Variants in PDZD2 observed in about 807,000 individuals in gnomAD.
PDZD2 encodes PDZ domain containing 2, also known as PDZ domain-containing protein 2.
Under a neutral mutation model 220.7 loss-of-function variants are expected in PDZD2, and 90 were observed. The ratio of observed to expected loss-of-function variants is 0.41; its 90% CI spans 0.34 to 0.49. The LOEUF (loss-of-function observed/expected upper bound fraction) is 0.49. Among genes scored for constraint, PDZD2 ranks in the 20% least tolerant of loss-of-function variants. The pLI, the probability that PDZD2 is intolerant of heterozygous loss-of-function variation, is 0.28. For missense variants in PDZD2, 3,174 were observed against 3,608.5 expected, an observed-to-expected ratio of 0.88 and a Z score of 3.08; for synonymous variants, 1,375 against 1,450.5, an observed-to-expected ratio of 0.95 and a Z score of 1.18.
chr5:31,826,899 G>C (rs1473897995), intron 2 of PDZD2, among the ~76,000 whole-genome samples: 1 of 152,144 alleles, frequency 6.6e-6, no homozygotes, highest in Non-Finnish European at 1.5e-5. Context: ...TTAAGAGACA[G>C]AGCCTGGAAT....
chr5:31,893,006 G>C (rs1006866131), intron 2 of PDZD2, among the ~76,000 whole-genome samples: 1 of 152,080 alleles, frequency 6.6e-6, no homozygotes, highest in African/African-American at 2.4e-5. Flanking sequence ...GGCAAGGGAG[G>C]GTTTTCCTAG....
chr5:32,066,695 G>C (rs758817677), intron 14 of PDZD2, among the ~76,000 whole-genome samples: 19 of 152,172 alleles, frequency 1.2e-4, no homozygotes, highest in Non-Finnish European at 2.8e-4. Flanking sequence ...TGGCTTCAAG[G>C]CATGTCTGAC....
At chr5:31,660,288 C>T (rs1024093216) in intron 1 of PDZD2, among the ~76,000 whole-genome samples, 8 of 152,130 alleles carry the variant, frequency 5.3e-5, no homozygotes, top group East Asian at 1.9e-4. Context: ...GTTATTCTTC[C>T]TCTCCATTTC....
intron 1 of PDZD2, among the ~76,000 whole-genome samples, chr5:31,699,082 C>T (rs1181529557): frequency 6.6e-6 from 1 of 152,162 alleles, no homozygotes; most frequent in African/African-American, 2.4e-5. Context: ...ACGCTGCAAG[C>T]CCTGAGCTGC....
intron 1 of PDZD2, among the ~76,000 whole-genome samples, chr5:31,645,609 A>G (rs1439427153): frequency 6.6e-6 from 1 of 152,176 alleles, no homozygotes; most frequent in Admixed American, 6.5e-5. Context: ...TGCTGAGATT[A>G]CAGGCGTGAG....
rs796363519 is a variant in PDZD2, at chr5:31,880,797, T to TTC, written c.476+81074_476+81075insCT. On this transcript the variant is annotated intron_variant, in intron 2 of 24. Transcript: ENST00000438447. ...GTAGCTTTCTTTTTTTTTTCTTTTT[T>TTC]TTTTTTTTTTTTTTTTTTTTTGAGA... Among the ~76,000 whole-genome samples, 4 of 97,196 alleles carry TTC rather than the reference T, an allele frequency of 4.1e-5. No homozygotes were observed. The East Asian group carries it at 6.9e-4, about 17-fold the overall frequency. The allele number at this position is 97,196 out of a possible 152,430, so 63.8% of individuals were successfully genotyped here.
chr5:31,756,186 G>C (rs1321537527), intron 1 of PDZD2, among the ~76,000 whole-genome samples: 1 of 152,148 alleles, frequency 6.6e-6, no homozygotes, highest in African/African-American at 2.4e-5. Flanking sequence ...ACCCGGGGGT[G>C]CCTGTGCCTG....
At position 32,069,602 on chromosome 5, in the gene PDZD2, C is replaced by T. The variant is rs376936551; in HGVS notation, c.2485C>T (p.Arg829Cys). ...GCAGGAAATGGATGAAGTCATAGCACGCAGCACTTATCAGGAGAGCAAAGA... is the reference window on the plus strand; with the variant it reads ...GCAGGAAATGGATGAAGTCATAGCATGCAGCACTTATCAGGAGAGCAAAGA... The part of the protein sequence containing the change: ...SEQEMDEVIA[R>C]STYQESKEAN... Residue 829 changes from arginine to cysteine, a missense_variant, in exon 15 of 25, where the codon CGC becomes TGC. Arg to Cys is a radical substitution (Grantham distance 180). Coordinates refer to ENST00000438447, the MANE Select transcript of PDZD2 (RefSeq NM_178140.4). 73 of 1,600,258 alleles carry T rather than the reference C, an allele frequency of 4.6e-5. No homozygotes were observed. The highest frequency in any genetic ancestry group is 5.5e-5 in the Non-Finnish European group (64 of 1,167,428).
intron 2 of PDZD2, among the ~76,000 whole-genome samples, chr5:31,849,431 T>A (rs556125162): frequency 6.6e-6 from 1 of 152,300 alleles, no homozygotes; most frequent in African/African-American, 2.4e-5. Flanking sequence ...GTGCCCAATA[T>A]AATTATAGTA....
chr5:32,069,069 C>A (rs1740496300), intron 14 of PDZD2, among the ~76,000 whole-genome samples: 1 of 151,994 alleles, frequency 6.6e-6, no homozygotes, highest in Non-Finnish European at 1.5e-5. Flanking sequence ...AGTTCAAGAC[C>A]AGCCTGACCA....
chr5:31,855,312 CGTCTCCCGGATCACT>C (rs1758348162), intron 2 of PDZD2: 1 of 160,858 alleles, frequency 6.2e-6, no homozygotes, highest in Non-Finnish European at 1.3e-5. Flanking sequence ...CTGCCCTTCT[CGTCTCCCGGATCACT>C]GGGGTGTGTT....
intron 3 of PDZD2, among the ~76,000 whole-genome samples, chr5:31,994,256 C>T (rs1751458442): frequency 2.0e-5 from 3 of 151,996 alleles, no homozygotes; most frequent in Non-Finnish European, 4.4e-5. Context: ...ATCCCCCCAC[C>T]TTGGCCTCCT....
Position 32,090,504 on chromosome 5 carries a change from A to C in PDZD2, c.7056A>C (p.Val2352=), listed in dbSNP as rs1561569867. 6.2e-7 allele frequency: 1 copy of C among 1,614,050 alleles called. No individual in the cohort carries two copies. The highest frequency in any genetic ancestry group is 8.5e-7 in the Non-Finnish European group (1 of 1,180,008). The change falls in exon 20 of 25, where the codon GTA becomes GTC. Residue 2352 remains valine, a synonymous_variant. Transcript: ENST00000438447. The surrounding 1 kb of genome is among the most constrained non-coding windows in gnomAD (Gnocchi z 4.3). ...ACCTGGCCAATGCTGACCGGCCTGT[A>C]GCCAAGTCCGGGGCTTCCCCATTTT... The part of the protein sequence containing the change: ...FENLANADRP[V]AKSGASPFLS...
intron 2 of PDZD2, among the ~76,000 whole-genome samples, chr5:31,892,243 C>T (rs138999514): frequency 6.6e-6 from 1 of 152,048 alleles, no homozygotes; most frequent in Non-Finnish European, 1.5e-5. Flanking sequence ...TCTGGATTAC[C>T]TTCTCCTCAA....
Position 31,799,575 on chromosome 5 carries a change from C to T in PDZD2, c.327C>T (p.His109=). The change falls in exon 2 of 25, where the codon CAC becomes CAT. Residue 109 remains histidine (H), a synonymous_variant. Transcript: ENST00000438447. ...GGGGGGGCAAGAAGAGGAAAACCCA[C>T]CAGGGTCCTGTGCTGGATGTGGGCT... is the stretch of plus-strand genomic sequence containing the variant. ...KRRGGKKRKT[H]QGPVLDVGCI... 6.2e-7 allele frequency: 1 copy of T among 1,614,116 alleles called. No individual in the cohort carries two copies. The highest frequency in any genetic ancestry group is 8.5e-7 in the Non-Finnish European group (1 of 1,180,002).
chr5:32,043,538 A>G (rs915739732), intron 7 of PDZD2, among the ~76,000 whole-genome samples: 1 of 152,268 alleles, frequency 6.6e-6, no homozygotes, highest in Non-Finnish European at 1.5e-5. Flanking sequence ...TTGCTTTGGA[A>G]GAATGCATAT....
intron 1 of PDZD2, among the ~76,000 whole-genome samples, chr5:31,776,810 T>G (rs573592145): frequency 7.6e-4 from 94 of 123,666 alleles, no homozygotes; most frequent in Admixed American, 1.5e-3. Flanking sequence ...CACCCTACCC[T>G]GCTTGGTTAA....
At chr5:31,801,830 A>G (rs1277024873) in intron 2 of PDZD2, among the ~76,000 whole-genome samples, 2 of 152,158 alleles carry the variant, frequency 1.3e-5, no homozygotes, top group Non-Finnish European at 2.9e-5. Context: ...CATCATTACT[A>G]CCATAATGGA....
At chr5:31,790,159 G>A (rs957198431) in intron 1 of PDZD2, among the ~76,000 whole-genome samples, 8 of 152,040 alleles carry the variant, frequency 5.3e-5, no homozygotes, top group African/African-American at 1.7e-4. Context: ...CCAGGCTGGA[G>A]TGCAGTGGTG....
Sources: allele counts gnomAD v4.1 joint callset (sites outside exome capture counted in the v4.1 genomes callset), GRCh38; gene constraint gnomAD v4.1.1; non-coding constraint Gnocchi (gnomAD v3.1); transcripts MANE v1.5; gene names NCBI Gene and HGNC (gene_info 2026-07-23, HGNC 2026-07-21).